The following KCNG3 variants were observed in gnomAD, a reference collection of about 807,000 sequenced individuals.
KCNG3 encodes potassium voltage-gated channel modifier subfamily G member 3.
In KCNG3, 15 loss-of-function variants were observed where a neutral mutation model predicts 29.0. That is an observed-to-expected ratio of 0.52 (90% CI 0.35 to 0.80). The LOEUF (loss-of-function observed/expected upper bound fraction) is 0.80. KCNG3 is among the 30% of genes least tolerant of loss of function. The probability of loss-of-function intolerance (pLI) is 0.01; values close to 1 mark genes in which losing one functional copy is unlikely to be tolerated. For synonymous variants in KCNG3, 322 were observed against 248.9 expected (o/e 1.29, Z -2.76); for missense variants, 512 against 605.7 (o/e 0.85, Z 1.62).
At chr2:42,467,009 TC>T (rs1558382138) in intron 1 of KCNG3, among the ~76,000 whole-genome samples, 1 of 152,004 alleles carries the variant, frequency 6.6e-6, no homozygotes, top group Admixed American at 6.6e-5. Context: ...CGCCTCGGCC[TC>T]CCAAAGTGCT....
the KCNG3 span, among the ~76,000 whole-genome samples, chr2:42,430,241 G>A: frequency 1.3e-5 from 2 of 151,468 alleles, no homozygotes; most frequent in East Asian, 1.9e-4. Flanking sequence ...CATGGTGCAC[G>A]CCTGCAGTCC....
downstream of KCNG3, among the ~76,000 whole-genome samples, chr2:42,438,657 GAGCTTATGCTAACAGTCAAA>G (rs1672417389): frequency 6.6e-6 from 1 of 152,174 alleles, no homozygotes; most frequent in Non-Finnish European, 1.5e-5. Flanking sequence ...ACTGACAATT[GAGCTTATGCTAACAGTCAAA>G]AGCTCCAGTA....
At chr2:42,464,652 T>C (rs992483716) in intron 1 of KCNG3, among the ~76,000 whole-genome samples, 48 of 152,154 alleles carry the variant, frequency 3.2e-4, no homozygotes, top group Non-Finnish European at 4.6e-4. Context: ...CAGTCCCCAG[T>C]CTTCTCACGC....
At chr2:42,402,399 T>G in the KCNG3 span, among the ~76,000 whole-genome samples, 1 of 152,176 alleles carries the variant, frequency 6.6e-6, no homozygotes, top group South Asian at 2.1e-4. Flanking sequence ...ATGGTTTTAG[T>G]TTTGGGCCAG....
At position 42,444,733 on chromosome 2, in the gene KCNG3, C is replaced by G. The variant is rs1466326561; in HGVS notation, c.666-154G>C. Among the ~76,000 whole-genome samples the G allele has an allele frequency of 1.3e-5, 2 of 152,040 alleles. No homozygotes were observed. Among genetic ancestry groups the G allele is most frequent in the Non-Finnish European group, 2.9e-5 (2 of 68,020 alleles). ...CAACATTAGCAACATCATCAGACCA[C>G]CAGGATGCACGCAACAGAACAACAA... is the stretch of plus-strand genomic sequence containing the variant. On this transcript the variant is annotated intron_variant, in intron 1 of 1. Transcript: ENST00000306078. The surrounding 1 kb of genome is among the most constrained non-coding windows in gnomAD (Gnocchi z 5.8).
At chr2:42,410,984 G>A in the KCNG3 span, among the ~76,000 whole-genome samples, 3 of 152,080 alleles carry the variant, frequency 2.0e-5, no homozygotes, top group African/African-American at 7.2e-5. Context: ...ATGCTTTGCG[G>A]GTGCCAATTG....
chr2:42,492,939 A>G lies in KCNG3; in HGVS notation c.563T>C (p.Leu188Pro). 6.3e-7 allele frequency: 1 copy of G among 1,589,584 alleles called. No individual in the cohort carries two copies. Among genetic ancestry groups the G allele is most frequent in the Non-Finnish European group, 8.5e-7 (1 of 1,171,686 alleles). ...CCAGTCGGGCAACGTGCTGGCGCAC[A>G]GCACCACCATGGACACGATCACGAA... ...VVFVIVSMVVLCASTLPDWRN... is the reference protein window; with the variant it reads ...VVFVIVSMVVPCASTLPDWRN... The change falls in exon 1 of 2, where the codon CTG becomes CCG. Residue 188 changes from leucine (L) to proline (P), a missense_variant. Physicochemically the swap from Leu to Pro is moderately conservative, Grantham distance 98. Transcript: ENST00000306078.
chr2:42,424,384 A>G, the KCNG3 span, among the ~76,000 whole-genome samples: 4 of 151,946 alleles, frequency 2.6e-5, no homozygotes, highest in African/African-American at 9.7e-5. Flanking sequence ...TTAAGACATC[A>G]ATGAAAGATG....
At chr2:42,420,581 G>A in the KCNG3 span, among the ~76,000 whole-genome samples, 1 of 152,006 alleles carries the variant, frequency 6.6e-6, no homozygotes, top group South Asian at 2.1e-4. Flanking sequence ...CCTGAAGTCA[G>A]GAGTTTCAGA....
chr2:42,420,691 A>G, the KCNG3 span, among the ~76,000 whole-genome samples: 1 of 152,194 alleles, frequency 6.6e-6, no homozygotes, highest in Non-Finnish European at 1.5e-5. Flanking sequence ...CGGGAGGCTG[A>G]GGCAGGGAGA....
intron 1 of KCNG3, among the ~76,000 whole-genome samples, chr2:42,445,321 C>A (rs1672572491): frequency 6.6e-6 from 1 of 151,966 alleles, no homozygotes; most frequent in Admixed American, 6.6e-5. Context: ...AGAATGTGGA[C>A]CTATCTAAGT....
intron 1 of KCNG3, among the ~76,000 whole-genome samples, chr2:42,472,901 A>ATTT (rs1200918383): frequency 2.1e-5 from 2 of 96,800 alleles, no homozygotes; most frequent in African/African-American, 9.1e-5. Context: ...ATATATATAT[A>ATTT]TATTTTTTTT....
the KCNG3 span, among the ~76,000 whole-genome samples, chr2:42,424,572 T>A: frequency 6.6e-6 from 1 of 152,196 alleles, no homozygotes; most frequent in East Asian, 1.9e-4. Context: ...CATTTGCTAT[T>A]ATTTTTCCCC....
chr2:42,490,301 C>T (rs1458760336), intron 1 of KCNG3, among the ~76,000 whole-genome samples: 4 of 152,108 alleles, frequency 2.6e-5, no homozygotes, highest in African/African-American at 7.2e-5. Context: ...CCTGGCCAGG[C>T]GCGGTGGCTC....
At chr2:42,404,662 A>C in the KCNG3 span, among the ~76,000 whole-genome samples, 1 of 152,060 alleles carries the variant, frequency 6.6e-6, no homozygotes, top group East Asian at 1.9e-4. Context: ...CGGGAGGCGG[A>C]GGTTTCAGTG....
chr2:42,434,436 GCA>G, the KCNG3 span, among the ~76,000 whole-genome samples: 1 of 119,340 alleles, frequency 8.4e-6, no homozygotes, highest in Non-Finnish European at 1.6e-5. Context: ...TCCAGCCTGG[GCA>G]ACAGAGTGAG....
chr2:42,444,467 G>A lies in KCNG3; in HGVS notation c.778C>T (p.Leu260=). The change falls in exon 2 of 2, where the codon CTG becomes TTG. Residue 260 remains leucine, a synonymous_variant. Coordinates refer to ENST00000306078, the MANE Select transcript of KCNG3 (RefSeq NM_133329.6). This position sits in a 1 kb window ranked among gnomAD's most constrained non-coding sequence, Gnocchi z 5.8. ...GAGATGTAATACGGCGTGATTGCCAGTAAATCAATGATGTTCAGGGGTCTC... is the reference window on the plus strand; with the variant it reads ...GAGATGTAATACGGCGTGATTGCCAATAAATCAATGATGTTCAGGGGTCTC... ...VKRPLNIIDL[L]AITPYYISVL... 6.2e-7 allele frequency: 1 copy of A among 1,614,190 alleles called. No individual in the cohort carries two copies. Among genetic ancestry groups the A allele is most frequent in the Non-Finnish European group, 8.5e-7 (1 of 1,180,030 alleles).
At chr2:42,433,394 C>T in the KCNG3 span, among the ~76,000 whole-genome samples, 21 of 152,076 alleles carry the variant, frequency 1.4e-4, no homozygotes, top group South Asian at 2.1e-4. Context: ...GTGTGTGAGT[C>T]GGTGGGCTGA....
At chr2:42,491,127 A>C (rs768876369) in intron 1 of KCNG3, among the ~76,000 whole-genome samples, 9 of 152,178 alleles carry the variant, frequency 5.9e-5, no homozygotes, top group Non-Finnish European at 5.9e-5. Context: ...TACACAAATA[A>C]GCATTACTTT....
Sources: allele counts gnomAD v4.1 joint callset (sites outside exome capture counted in the v4.1 genomes callset), GRCh38; gene constraint gnomAD v4.1.1; non-coding constraint Gnocchi (gnomAD v3.1); transcripts MANE v1.5; gene names NCBI Gene and HGNC (gene_info 2026-07-23, HGNC 2026-07-21).